Variants in ASAP1 observed in about 807,000 individuals in gnomAD.
The protein encoded by ASAP1 is arf-GAP with SH3 domain, ANK repeat and PH domain-containing protein 1.
ASAP1 carries 43 observed loss-of-function variants against 145.2 expected under a neutral mutation model. The ratio of observed to expected loss-of-function variants is 0.30; its 90% CI spans 0.23 to 0.38. The LOEUF (loss-of-function observed/expected upper bound fraction) is 0.38. Ranked by LOEUF, ASAP1 falls within the 10% of genes least tolerant of loss-of-function variation. The pLI is 1.00. For synonymous variants in ASAP1, 546 were observed against 515.5 expected, an observed-to-expected ratio of 1.06 and a Z score of -0.80; for missense variants, 1,018 against 1,355.3, an observed-to-expected ratio of 0.75 and a Z score of 3.91.
chr8:130,323,966 C>A (rs187222441), intron 3 of ASAP1, among the ~76,000 whole-genome samples: 1 of 152,308 alleles, frequency 6.6e-6, no homozygotes, highest in Non-Finnish European at 1.5e-5. Context: ...CCCAGAGCTG[C>A]CAGGGCTTCC....
At chr8:130,289,376 T>C (rs1378685372) in intron 3 of ASAP1, among the ~76,000 whole-genome samples, 2 of 152,236 alleles carry the variant, frequency 1.3e-5, no homozygotes, top group African/African-American at 4.8e-5. Context: ...TTCCTATGTT[T>C]TGTATTTTCC....
chr8:130,300,113 T>TACACACACACACAC (rs373589102), intron 3 of ASAP1, among the ~76,000 whole-genome samples: 115 of 72,866 alleles, frequency 1.6e-3, no homozygotes, highest in South Asian at 1.9e-3. Context: ...AAAAGAAAAA[T>TACACACACACACAC]ACACACACAC....
chr8:130,138,699 G>T (rs2097601383), intron 13 of ASAP1, among the ~76,000 whole-genome samples: 1 of 152,032 alleles, frequency 6.6e-6, no homozygotes, highest in South Asian at 2.1e-4. Context: ...AGCCGGGCGT[G>T]GTGTCGGGTG....
At chr8:130,067,919 G>T (rs889558312) in intron 27 of ASAP1, among the ~76,000 whole-genome samples, 3 of 152,142 alleles carry the variant, frequency 2.0e-5, no homozygotes. Context: ...GCTGGGAGCC[G>T]TACACCACAC....
Position 130,060,946 on chromosome 8 carries a change from T to G in ASAP1, c.2825A>C (p.Lys942Thr). The G allele has an allele frequency of 6.2e-7, 1 of 1,607,352 alleles. No individual in the cohort carries two copies. The highest frequency in any genetic ancestry group is 1.1e-5 in the South Asian group (1 of 90,320). Residue 942 changes from lysine (K) to threonine (T), a missense_variant, in exon 28 of 30, where the codon AAG (lysine) becomes ACG (threonine). By Grantham distance (78) the Lys-to-Thr change is moderately conservative. Coordinates refer to ENST00000518721, the MANE Select transcript of ASAP1 (RefSeq NM_018482.4). ...GGGCTTGGGGGCCAGTTCTGTGGGC[T>G]TTGGGGGCAGGTCTCCAGGTGGTGG... ...QKPPPGDLPP[K>T]PTELAPKPQI... is the part of the protein sequence containing the mutation.
At chr8:130,395,815 C>T (rs1394205341) in intron 2 of ASAP1, among the ~76,000 whole-genome samples, 5 of 152,140 alleles carry the variant, frequency 3.3e-5, no homozygotes, top group East Asian at 1.9e-4. Context: ...TACAGGCACC[C>T]GCCACTACGC....
chr8:130,167,326 A>G (rs1241138021), intron 11 of ASAP1: 2 of 623,088 alleles, frequency 3.2e-6, no homozygotes, highest in South Asian at 3.4e-5. Flanking sequence ...AAAAAAAAAA[A>G]TCCAGAGTCA....
chr8:130,200,450 G>A (rs761475011), intron 5 of ASAP1, among the ~76,000 whole-genome samples: 2 of 152,006 alleles, frequency 1.3e-5, no homozygotes, highest in Non-Finnish European at 2.9e-5. Flanking sequence ...CTAAGCAAAG[G>A]TTCTTAGGCT....
intron 2 of ASAP1, among the ~76,000 whole-genome samples, chr8:130,364,428 T>A (rs1234756677): frequency 1.3e-5 from 2 of 152,216 alleles, no homozygotes; most frequent in Admixed American, 1.3e-4. Flanking sequence ...ATTCCCCATG[T>A]TATATGCATG....
chr8:130,339,107 C>T (rs2791350), intron 3 of ASAP1, among the ~76,000 whole-genome samples: 50,741 of 152,050 alleles, frequency 0.33, 8,759 homozygotes, highest in African/African-American at 0.41. Flanking sequence ...ACAGATACAG[C>T]GACTCTTCAT....
chr8:130,152,567 G>C (rs1447797157), intron 13 of ASAP1, 169 bp downstream of exon 13: 2 of 455,750 alleles, frequency 4.4e-6, no homozygotes, highest in Non-Finnish European at 7.8e-6. Flanking sequence ...GAATGGTGCA[G>C]ACTACCACAG....
chr8:130,345,148 T>C (rs1373843508), intron 3 of ASAP1, among the ~76,000 whole-genome samples: 1 of 152,160 alleles, frequency 6.6e-6, no homozygotes, highest in Non-Finnish European at 1.5e-5. Flanking sequence ...CAAAGTGTTG[T>C]GTGGACGAAA....
intron 3 of ASAP1, among the ~76,000 whole-genome samples, chr8:130,312,936 C>G (rs1298966803): frequency 6.6e-6 from 1 of 152,214 alleles, no homozygotes; most frequent in Non-Finnish European, 1.5e-5. Context: ...GTCCCCTCAT[C>G]TACAACTGAT....
chr8:130,382,321 T>C lies in ASAP1; in HGVS notation c.59+19564A>G, dbSNP rs867326573. Among the ~76,000 whole-genome samples the C allele has an allele frequency of 1.1e-4, 17 of 148,770 alleles. No individual in the cohort carries two copies. In the South Asian group the frequency reaches 1.9e-3, roughly 17 times the overall value. On this transcript the variant is annotated intron_variant, in intron 2 of 29. Coordinates refer to ENST00000518721, the MANE Select transcript of ASAP1 (RefSeq NM_018482.4). Reference sequence around the variant, plus strand: ...AAAAAAAAAAAAAAGAAATTAAAGATATCACCTTGTTCATTAATATTATTT... The same window carrying C: ...AAAAAAAAAAAAAAGAAATTAAAGACATCACCTTGTTCATTAATATTATTT...
At chr8:130,148,895 C>G (rs961529893) in intron 13 of ASAP1, among the ~76,000 whole-genome samples, 3 of 151,932 alleles carry the variant, frequency 2.0e-5, no homozygotes, top group Non-Finnish European at 4.4e-5. Flanking sequence ...AGTGCAGTGG[C>G]GCAATCTTGG....
chr8:130,109,250 G>A (rs1195669553), intron 24 of ASAP1, among the ~76,000 whole-genome samples: 6 of 152,150 alleles, frequency 3.9e-5, no homozygotes, highest in Non-Finnish European at 2.9e-5. Flanking sequence ...GGGGCTTGAG[G>A]ATAGTGATTT....
chr8:130,267,204 G>C (rs1820316343), intron 3 of ASAP1, among the ~76,000 whole-genome samples: 1 of 151,366 alleles, frequency 6.6e-6, no homozygotes, highest in Admixed American at 6.6e-5. Context: ...GGAAATCCTT[G>C]TAAAAAAGAA....
intron 27 of ASAP1, among the ~76,000 whole-genome samples, chr8:130,073,295 C>T (rs11783940): frequency 0.054 from 8,093 of 150,960 alleles, 281 homozygotes; most frequent in Non-Finnish European, 0.077. Context: ...GAGGCCGAGG[C>T]AGGAGAATCG....
chr8:130,149,269 C>T (rs1325280350), intron 13 of ASAP1, among the ~76,000 whole-genome samples: 1 of 149,214 alleles, frequency 6.7e-6, no homozygotes, highest in Non-Finnish European at 1.5e-5. Flanking sequence ...GCTGCTATCA[C>T]AATATTACTA....
Sources: gnomAD v4.1 joint callset for allele counts (sites outside exome capture counted in the v4.1 genomes callset) on GRCh38, gnomAD v4.1.1 for gene constraint, MANE v1.5 for transcripts, NCBI Gene and HGNC (gene_info 2026-07-23, HGNC 2026-07-21) for gene names.